ZNF277: variants seen among roughly 807,000 people sequenced by gnomAD.
ZNF277 encodes zinc finger protein 277.
A neutral mutation model predicts 60.7 loss-of-function variants in ZNF277; 55 were observed. The observed-to-expected ratio is 0.91, with a 90% confidence interval of 0.73 to 1.13. ZNF277 has a LOEUF of 1.13. Among genes scored for constraint, ZNF277 ranks in the 50% most tolerant of loss-of-function variants. The probability of loss-of-function intolerance (pLI) is 0.00; values close to 1 mark genes in which losing one functional copy is unlikely to be tolerated. For synonymous variants in ZNF277, 178 were observed against 179.3 expected (o/e 0.99, Z 0.06); for missense variants, 510 against 523.0 (o/e 0.98, Z 0.24).
intron 1 of ZNF277, among the ~76,000 whole-genome samples, chr7:112,247,736 G>A (rs868787432): frequency 3.3e-5 from 5 of 152,146 alleles, no homozygotes; most frequent in South Asian, 2.1e-4. Context: ...GGGAAGTGGA[G>A]GTGGGTGGAT....
intron 1 of ZNF277, among the ~76,000 whole-genome samples, chr7:112,250,670 C>T (rs1378730414): frequency 6.6e-6 from 1 of 152,018 alleles, no homozygotes; most frequent in Non-Finnish European, 1.5e-5. Flanking sequence ...GGGCAGGTTC[C>T]CCGATAGTTG....
chr7:112,229,482 T>A (rs1822266410), intron 1 of ZNF277, among the ~76,000 whole-genome samples: 1 of 152,208 alleles, frequency 6.6e-6, no homozygotes. Context: ...TAAGAAACTG[T>A]CCAATCTGCT....
At chr7:112,294,338 T>A (rs1005999728) in intron 2 of ZNF277, among the ~76,000 whole-genome samples, 2 of 152,172 alleles carry the variant, frequency 1.3e-5, no homozygotes, top group Non-Finnish European at 2.9e-5. Context: ...GTAGGTACTT[T>A]TTCTCTATTT....
At chr7:112,256,303 A>G (rs992750418) in intron 1 of ZNF277, among the ~76,000 whole-genome samples, 1 of 152,102 alleles carries the variant, frequency 6.6e-6, no homozygotes, top group Non-Finnish European at 1.5e-5. Context: ...AATAAGAAAA[A>G]TCCCTTGAAG....
At chr7:112,250,991 T>C (rs890990161) in intron 1 of ZNF277, among the ~76,000 whole-genome samples, 1 of 152,224 alleles carries the variant, frequency 6.6e-6, no homozygotes. Flanking sequence ...TCAACTTTTA[T>C]GCCTACTTTT....
At chr7:112,271,214 C>G (rs189264386) in intron 1 of ZNF277, among the ~76,000 whole-genome samples, 87 of 152,154 alleles carry the variant, frequency 5.7e-4, no homozygotes, top group Admixed American at 1.6e-3. Context: ...TTCAGAGATA[C>G]GAGATTTCTA....
chr7:112,289,760 T>C (rs149200978), intron 2 of ZNF277, among the ~76,000 whole-genome samples: 4 of 152,320 alleles, frequency 2.6e-5, no homozygotes, highest in East Asian at 3.9e-4. Context: ...ATTTTTCTTT[T>C]TGAGTCCTGG....
intron 1 of ZNF277, among the ~76,000 whole-genome samples, chr7:112,274,999 T>A (rs1791760143): frequency 6.6e-6 from 1 of 152,226 alleles, no homozygotes; most frequent in Admixed American, 6.5e-5. Flanking sequence ...TTTGTCAGTG[T>A]CTTTTGTTAC....
chr7:112,284,970 TAGTC>T (rs1054511292), intron 1 of ZNF277, among the ~76,000 whole-genome samples: 39 of 152,306 alleles, frequency 2.6e-4, no homozygotes, highest in African/African-American at 7.9e-4. Flanking sequence ...TCCCTGTAGA[TAGTC>T]AGTTGATTTT....
At chr7:112,244,527 A>G (rs553422616) in intron 1 of ZNF277, among the ~76,000 whole-genome samples, 6 of 152,316 alleles carry the variant, frequency 3.9e-5, no homozygotes, top group African/African-American at 1.4e-4. Flanking sequence ...CATTCTGCGT[A>G]TCAGTGACTT....
At chr7:112,333,753 G>A (rs1358104339) in intron 7 of ZNF277, among the ~76,000 whole-genome samples, 1 of 152,146 alleles carries the variant, frequency 6.6e-6, no homozygotes, top group Non-Finnish European at 1.5e-5. Flanking sequence ...TAACAGACTT[G>A]CAAAAACATT....
intron 1 of ZNF277, among the ~76,000 whole-genome samples, chr7:112,218,748 T>C (rs1036013962): frequency 6.6e-6 from 1 of 152,238 alleles, no homozygotes; most frequent in East Asian, 1.9e-4. Flanking sequence ...CTTATTTAAC[T>C]TCGCATTCTC....
intron 5 of ZNF277, among the ~76,000 whole-genome samples, 171 bp downstream of exon 5, chr7:112,318,444 T>C (rs1792893896): frequency 6.6e-6 from 1 of 152,066 alleles, no homozygotes; most frequent in Admixed American, 6.6e-5. Flanking sequence ...CTGTAGGTGC[T>C]CTAAGCAGCA....
chr7:112,314,671 C>T (rs892468939), intron 4 of ZNF277, among the ~76,000 whole-genome samples: 5 of 152,012 alleles, frequency 3.3e-5, no homozygotes, highest in Admixed American at 2.6e-4. Context: ...TTGTATGCCC[C>T]TGTAGTCCCA....
intron 1 of ZNF277, among the ~76,000 whole-genome samples, chr7:112,220,916 G>A (rs1355243640): frequency 2.0e-5 from 3 of 152,146 alleles, no homozygotes; most frequent in Non-Finnish European, 4.4e-5. Context: ...TACCCTCTTT[G>A]GGTCCCCTCC....
chr7:112,282,435 AAAAC>A (rs1791967885), intron 1 of ZNF277, among the ~76,000 whole-genome samples: 1 of 152,238 alleles, frequency 6.6e-6, no homozygotes, highest in Non-Finnish European at 1.5e-5. Context: ...TCCCTGCCAT[AAAAC>A]AAACAAAACC....
intron 2 of ZNF277, 34 bp from the exon 3 acceptor site, chr7:112,295,835 C>T (rs376159640): frequency 1.1e-5 from 16 of 1,502,804 alleles, no homozygotes; most frequent in Non-Finnish European, 1.4e-5. Flanking sequence ...TATATTGAAT[C>T]TTCTCATCGT....
At chr7:112,209,865 A>AC (rs1211485014) in intron 1 of ZNF277, among the ~76,000 whole-genome samples, 4 of 152,146 alleles carry the variant, frequency 2.6e-5, no homozygotes, top group Non-Finnish European at 5.9e-5. Flanking sequence ...GATGAAGCTG[A>AC]AAACCATCAT....
At position 112,294,740 on chromosome 7, in the gene ZNF277, A is replaced by G. The variant is rs73717520; in HGVS notation, c.294-1129A>G. Among the ~76,000 whole-genome samples the G allele has an allele frequency of 2.2e-3, 342 of 152,272 alleles. 2 individuals are homozygous for G. Among genetic ancestry groups the G allele is most frequent in the Middle Eastern group, 0.01 (3 of 294 alleles). ...TCTCTCCAGCACAGACTTCTAATAC[A>G]CAAATGCCCTTTCCATAGAGCACCA... On this transcript the variant is annotated intron_variant, in intron 2 of 11. Coordinates refer to ENST00000361822, the MANE Select transcript of ZNF277 (RefSeq NM_021994.3).
Sources: gnomAD v4.1 joint callset for allele counts (sites outside exome capture counted in the v4.1 genomes callset) on GRCh38, gnomAD v4.1.1 for gene constraint, MANE v1.5 for transcripts, NCBI Gene and HGNC (gene_info 2026-07-23, HGNC 2026-07-21) for gene names.